MICU2: variants seen among roughly 807,000 people sequenced by gnomAD.
MICU2 encodes mitochondrial calcium uptake 2.
A neutral mutation model predicts 60.4 loss-of-function variants in MICU2; 64 were observed. The ratio of observed to expected loss-of-function variants is 1.06; its 90% CI spans 0.87 to 1.31. MICU2 has a LOEUF of 1.31. Ranked by LOEUF, MICU2 falls within the 50% of genes most tolerant of loss-of-function variation. MICU2 has a pLI of 0.00. For synonymous variants in MICU2, 201 were observed against 175.0 expected (o/e 1.15, Z -1.17); for missense variants, 569 against 531.0 (o/e 1.07, Z -0.70).
At chr13:21,526,539 T>C (rs540359401) in intron 4 of MICU2, among the ~76,000 whole-genome samples, 2 of 152,090 alleles carry the variant, frequency 1.3e-5, no homozygotes, top group South Asian at 4.1e-4. Flanking sequence ...GAGGCCAAAA[T>C]GCAGATGTTT....
chr13:21,555,616 T>C (rs914416472), intron 2 of MICU2, among the ~76,000 whole-genome samples: 16 of 152,142 alleles, frequency 1.1e-4, no homozygotes, highest in African/African-American at 3.9e-4. Context: ...AATAGACTTA[T>C]TTTAACTTCA....
At chr13:21,568,863 A>T (rs1263658430) in intron 1 of MICU2, among the ~76,000 whole-genome samples, 1 of 150,890 alleles carries the variant, frequency 6.6e-6, no homozygotes, top group Non-Finnish European at 1.5e-5. Context: ...TTCTTCTAGG[A>T]GGTTTAGACC....
chr13:21,544,961 C>T (rs1451505513), intron 2 of MICU2, among the ~76,000 whole-genome samples: 1 of 152,134 alleles, frequency 6.6e-6, no homozygotes, highest in Non-Finnish European at 1.5e-5. Context: ...AGGAAAGGAA[C>T]TCTTATACAC....
intron 8 of MICU2, among the ~76,000 whole-genome samples, chr13:21,506,720 G>T (rs1343384454): frequency 6.6e-6 from 1 of 152,060 alleles, no homozygotes; most frequent in African/African-American, 2.4e-5. Context: ...CAATGGATGG[G>T]GAGTCCCTTT....
At chr13:21,535,253 A>G (rs1887104477) in intron 4 of MICU2, among the ~76,000 whole-genome samples, 1 of 152,160 alleles carries the variant, frequency 6.6e-6, no homozygotes, top group South Asian at 2.1e-4. Flanking sequence ...GAATTAATCT[A>G]CTCTGGCTCT....
chr13:21,523,432 A>G (rs1886775193), intron 4 of MICU2, among the ~76,000 whole-genome samples: 1 of 152,090 alleles, frequency 6.6e-6, no homozygotes. Flanking sequence ...CAAGTGAAGC[A>G]AATTTATAAA....
At chr13:21,505,960 T>C (rs17067158) in intron 8 of MICU2, among the ~76,000 whole-genome samples, 7,339 of 152,132 alleles carry the variant, frequency 0.048, 582 homozygotes, top group African/African-American at 0.17. Flanking sequence ...ACCTGCCAGT[T>C]GCTGTGATGG....
intron 1 of MICU2, among the ~76,000 whole-genome samples, chr13:21,597,385 CAGTT>C (rs1349484681): frequency 5.3e-5 from 8 of 152,098 alleles, no homozygotes; most frequent in Admixed American, 3.3e-4. Context: ...ATATCTGGGA[CAGTT>C]AGTAACTTAG....
At chr13:21,567,987 T>C (rs572329212) in intron 1 of MICU2, among the ~76,000 whole-genome samples, 1 of 152,320 alleles carries the variant, frequency 6.6e-6, no homozygotes, top group South Asian at 2.1e-4. Flanking sequence ...GCACGAATCT[T>C]GATACAAGAA....
At chr13:21,531,783 A>G (rs978136129) in intron 4 of MICU2, among the ~76,000 whole-genome samples, 1 of 152,246 alleles carries the variant, frequency 6.6e-6, no homozygotes, top group Non-Finnish European at 1.5e-5. Context: ...CACTGTAGCC[A>G]ACTAATGCCA....
chr13:21,550,022 TA>T (rs1887514112), intron 2 of MICU2, among the ~76,000 whole-genome samples: 1 of 152,152 alleles, frequency 6.6e-6, no homozygotes, highest in African/African-American at 2.4e-5. Context: ...TTTTAAAGGG[TA>T]GGGCTAGCAC....
chr13:21,494,437 C>T (rs1427887460), intron 11 of MICU2, among the ~76,000 whole-genome samples: 1 of 152,182 alleles, frequency 6.6e-6, no homozygotes, highest in Non-Finnish European at 1.5e-5. Context: ...AGTATAGACT[C>T]ATATGTGACT....
At chr13:21,524,504 A>T (rs958937867) in intron 4 of MICU2, among the ~76,000 whole-genome samples, 1 of 152,244 alleles carries the variant, frequency 6.6e-6, no homozygotes, top group African/African-American at 2.4e-5. Flanking sequence ...AATCAGCATT[A>T]TCAATTTTCC....
chr13:21,539,814 G>T, intron 2 of MICU2, 126 bp from the exon 3 acceptor site: 1 of 862,930 alleles, frequency 1.2e-6, no homozygotes, highest in Non-Finnish European at 1.7e-6. Flanking sequence ...GCAAAGGCTT[G>T]TAATTTTAGC....
At chr13:21,561,533 C>T (rs1325228528) in intron 2 of MICU2, among the ~76,000 whole-genome samples, 1 of 150,204 alleles carries the variant, frequency 6.7e-6, no homozygotes, top group African/African-American at 2.5e-5. Context: ...GAGTACTCAC[C>T]CATTAAAAAA....
At chr13:21,563,738 T>C (rs1887907255) in intron 2 of MICU2, among the ~76,000 whole-genome samples, 1 of 152,168 alleles carries the variant, frequency 6.6e-6, no homozygotes, top group Non-Finnish European at 1.5e-5. Flanking sequence ...GTTGGGAAGT[T>C]TCTATTGACA....
intron 9 of MICU2, among the ~76,000 whole-genome samples, chr13:21,498,320 C>T (rs1374564041): frequency 6.6e-6 from 1 of 151,348 alleles, no homozygotes; most frequent in Non-Finnish European, 1.5e-5. Flanking sequence ...TTCCATTCCC[C>T]AGACATGAGT....
chr13:21,493,234 CTATTATATCTTTTATT>C lies in MICU2; in HGVS notation c.1304_*14del. ...CATTTGGAACAATATAATTGCCATA[CTATTATATCTTTTATT>C]AAAAAAGACCTTTTCCAGCTTGTTT... On this transcript the variant is annotated stop_lost and 3_prime_UTR_variant, in exon 12 of 12. Coordinates refer to ENST00000382374, the MANE Select transcript of MICU2 (RefSeq NM_152726.3). 6.5e-7 allele frequency: 1 copy of C among 1,540,718 alleles called. No homozygotes were observed. Among genetic ancestry groups the C allele is most frequent in the Non-Finnish European group, 8.8e-7 (1 of 1,130,132 alleles).
intron 1 of MICU2, among the ~76,000 whole-genome samples, chr13:21,600,272 G>A (rs1439802122): frequency 1.3e-5 from 2 of 152,164 alleles, no homozygotes; most frequent in Non-Finnish European, 2.9e-5. Context: ...ACTCTGCTGA[G>A]TCCAACTCTT....
Sources: gnomAD v4.1 joint callset for allele counts (sites outside exome capture counted in the v4.1 genomes callset) on GRCh38, gnomAD v4.1.1 for gene constraint, MANE v1.5 for transcripts, NCBI Gene and HGNC (gene_info 2026-07-23, HGNC 2026-07-21) for gene names.